The following SPECC1 variants were observed in gnomAD, a reference collection of about 807,000 sequenced individuals.
SPECC1 encodes sperm antigen with calponin homology and coiled-coil domains 1.
SPECC1 carries 62 observed loss-of-function variants against 104.1 expected under a neutral mutation model. That is an observed-to-expected ratio of 0.60 (90% CI 0.49 to 0.74). The LOEUF (loss-of-function observed/expected upper bound fraction) is 0.74. Ranked by LOEUF, SPECC1 falls within the 30% of genes least tolerant of loss-of-function variation. The pLI, the probability that SPECC1 is intolerant of heterozygous loss-of-function variation, is 0.00. For missense variants in SPECC1, 1,306 were observed against 1,310.5 expected, an observed-to-expected ratio of 1.00 and a Z score of 0.05; for synonymous variants, 513 against 501.6, an observed-to-expected ratio of 1.02 and a Z score of -0.30.
At chr17:20,099,694 CAAAAAA>C (rs768172798) in intron 2 of SPECC1, among the ~76,000 whole-genome samples, 2 of 17,408 alleles carry the variant, frequency 1.1e-4, no homozygotes, top group Non-Finnish European at 2.3e-4. Context: ...CACTCTATCT[CAAAAAA>C]AAAAAAAAAA....
rs56266311 is a variant in SPECC1 at position 20,111,809 on chromosome 17, G to C, written c.283+1247G>C. On this transcript the variant is annotated intron_variant, in intron 3 of 14. Coordinates refer to ENST00000395527, the MANE Select transcript of SPECC1 (RefSeq NM_001243439.2). ...GGGTGGTGGCTCACTCAGGACCCAG[G>C]GGGGGGGCAGCGCGATGAGGTGGGT... 518 of 699,874 alleles carry C rather than the reference G, an allele frequency of 7.4e-4. 6 individuals are homozygous for C. The highest frequency in any genetic ancestry group is 2.7e-3 in the Admixed American group (122 of 45,386). The allele number at this position is 699,874 out of a possible 1,614,324, so 43.4% of individuals were successfully genotyped here.
chr17:20,227,369 T>G (rs1196982081), intron 4 of SPECC1, 44 bp from the exon 5 acceptor site: 1 of 1,567,492 alleles, frequency 6.4e-7, no homozygotes, highest in Admixed American at 1.8e-5. Context: ...ACTGTGGGAA[T>G]TTTTTTGTTG....
intron 1 of SPECC1, among the ~76,000 whole-genome samples, chr17:20,021,660 G>T (rs985805968): frequency 3.9e-4 from 55 of 140,648 alleles, no homozygotes; most frequent in Non-Finnish European, 7.1e-4. Context: ...CCAAGGCTCT[G>T]ATATATATAT....
chr17:20,219,869 G>A (rs1467875651), intron 4 of SPECC1, among the ~76,000 whole-genome samples: 1 of 152,014 alleles, frequency 6.6e-6, no homozygotes, highest in Admixed American at 6.6e-5. Flanking sequence ...TATGGGGGGG[G>A]TGTCTAGTTT....
rs149566841 is a variant in SPECC1 at position 20,097,216 on chromosome 17, G to A, written c.147+418G>A. Among the ~76,000 whole-genome samples the A allele has an allele frequency of 8.3e-3, 1,258 of 152,234 alleles. 22 individuals carry two copies. Among genetic ancestry groups the A allele is most frequent in the African/African-American group, 0.028 (1,160 of 41,512 alleles). On this transcript the variant is annotated intron_variant, in intron 2 of 14. Transcript: ENST00000395527. ...GATTACGCCCTTCATGAGGGAGTGCGTTCTCCTCTGGTTTTCTCCTCCCCC... is the reference window on the plus strand; with the variant it reads ...GATTACGCCCTTCATGAGGGAGTGCATTCTCCTCTGGTTTTCTCCTCCCCC...
chr17:20,206,016 T>C, intron 4 of SPECC1, 104 bp downstream of exon 4: 1 of 1,441,114 alleles, frequency 6.9e-7, no homozygotes, highest in East Asian at 2.3e-5. Context: ...CTTAGTCTGT[T>C]TCATTCACGA....
intron 3 of SPECC1, among the ~76,000 whole-genome samples, chr17:20,199,317 C>T (rs565783747): frequency 2.7e-5 from 4 of 150,044 alleles, no homozygotes; most frequent in South Asian, 4.2e-4. Flanking sequence ...GAACTCCTGA[C>T]CTCAGGTGAT....
At chr17:20,187,307 A>G (rs1597916541) in intron 3 of SPECC1, among the ~76,000 whole-genome samples, 1 of 152,148 alleles carries the variant, frequency 6.6e-6, no homozygotes, top group African/African-American at 2.4e-5. Flanking sequence ...TTCTCCCAGG[A>G]ATTCTCTTTA....
At chr17:20,016,443 C>T (rs1222343692) in intron 1 of SPECC1, among the ~76,000 whole-genome samples, 3 of 152,152 alleles carry the variant, frequency 2.0e-5, no homozygotes, top group Non-Finnish European at 4.4e-5. Context: ...CCAGCTCCCT[C>T]AGCTTTGCAG....
rs1165271899 is a variant in SPECC1 at position 20,266,484 on chromosome 17, T to G, written c.2940+6190T>G. ...CTGTGGTCCCAGCTGCTCGGGAGGC[T>G]GAGGTAGGGGAATGGCGTGAACCCG... On this transcript the variant is annotated intron_variant, in intron 12 of 14. Coordinates refer to ENST00000395527, the MANE Select transcript of SPECC1 (RefSeq NM_001243439.2). 2.0e-5 allele frequency among the ~76,000 whole-genome samples: 3 copies of G among 152,074 alleles called. No homozygotes were observed. The East Asian group carries it at 5.8e-4, about 29-fold the overall frequency.
intron 1 of SPECC1, among the ~76,000 whole-genome samples, chr17:20,024,015 A>G (rs1394594861): frequency 6.6e-6 from 1 of 152,238 alleles, no homozygotes; most frequent in Non-Finnish European, 1.5e-5. Context: ...TCAGCAGAAT[A>G]TTAAAAGAGC....
At chr17:20,224,199 CAG>C (rs1348329627) in intron 4 of SPECC1, among the ~76,000 whole-genome samples, 48 of 152,230 alleles carry the variant, frequency 3.2e-4, no homozygotes, top group African/African-American at 1.2e-3. Context: ...CCTAAACACA[CAG>C]AGTCTCTCTC....
At chr17:20,199,110 A>G (rs2151317798) in intron 3 of SPECC1, among the ~76,000 whole-genome samples, 1 of 127,678 alleles carries the variant, frequency 7.8e-6, no homozygotes, top group South Asian at 2.6e-4. Flanking sequence ...TTTTTGAAAC[A>G]GAGTCTTACT....
intron 4 of SPECC1, among the ~76,000 whole-genome samples, chr17:20,214,285 T>C (rs1597995628): frequency 6.6e-6 from 1 of 152,390 alleles, no homozygotes; most frequent in East Asian, 1.9e-4. Context: ...GTCTTGATAA[T>C]GCCCTTTATG....
At chr17:20,029,466 C>G (rs9900441) in intron 1 of SPECC1, among the ~76,000 whole-genome samples, 10,515 of 151,856 alleles carry the variant, frequency 0.069, 986 homozygotes, top group African/African-American at 0.21. Context: ...GAGATCTGTT[C>G]TTTTTTTTGG....
chr17:20,271,061 A>G lies in SPECC1; in HGVS notation c.2940+10767A>G, dbSNP rs2040390754. ...ATCTTTTTTCCTCAAAATTTGTGATAGCTCTTTTTGGTTTTCTTTTGGTTT... is the reference window on the plus strand; with the variant it reads ...ATCTTTTTTCCTCAAAATTTGTGATGGCTCTTTTTGGTTTTCTTTTGGTTT... On this transcript the variant is annotated intron_variant, in intron 12 of 14. Coordinates refer to ENST00000395527, the MANE Select transcript of SPECC1 (RefSeq NM_001243439.2). Among the ~76,000 whole-genome samples the G allele has an allele frequency of 2.0e-5, 3 of 152,254 alleles. No individual in the cohort carries two copies. The South Asian group carries it at 6.2e-4, about 32-fold the overall frequency.
chr17:20,187,237 G>A (rs1284704344), intron 3 of SPECC1, among the ~76,000 whole-genome samples: 1 of 152,078 alleles, frequency 6.6e-6, no homozygotes, highest in African/African-American at 2.4e-5. Flanking sequence ...AACTGACTCG[G>A]CATTGGTCAG....
At chr17:20,108,907 C>T (rs1413060048) in intron 2 of SPECC1, among the ~76,000 whole-genome samples, 1 of 152,116 alleles carries the variant, frequency 6.6e-6, no homozygotes, top group Non-Finnish European at 1.5e-5. Flanking sequence ...TTTGTCCTAC[C>T]CCTTTCATGA....
intron 2 of SPECC1, among the ~76,000 whole-genome samples, chr17:20,098,895 T>G (rs1162279521): frequency 6.6e-6 from 1 of 152,220 alleles, no homozygotes; most frequent in Non-Finnish European, 1.5e-5. Flanking sequence ...CTGTCCCTAG[T>G]GCTTAGAAGA....
Sources: gnomAD v4.1 joint callset for allele counts (sites outside exome capture counted in the v4.1 genomes callset) on GRCh38, gnomAD v4.1.1 for gene constraint, MANE v1.5 for transcripts, NCBI Gene and HGNC (gene_info 2026-07-23, HGNC 2026-07-21) for gene names.